The following TBC1D5 variants were observed in gnomAD, a reference collection of about 807,000 sequenced individuals.
TBC1D5 encodes the protein TBC1 domain family, member 5.
A neutral mutation model predicts 100.3 loss-of-function variants in TBC1D5; 75 were observed. The observed-to-expected ratio is 0.75, with a 90% CI of 0.62 to 0.91. The LOEUF (loss-of-function observed/expected upper bound fraction) is 0.91. Ranked by LOEUF, TBC1D5 falls within the 40% of genes least tolerant of loss-of-function variation. The probability of loss-of-function intolerance (pLI) is 0.00; values close to 1 mark genes in which losing one functional copy is unlikely to be tolerated. For missense variants in TBC1D5, 910 were observed against 942.4 expected (o/e 0.97, Z 0.45); for synonymous variants, 323 against 325.6 (o/e 0.99, Z 0.09).
intron 3 of TBC1D5, among the ~76,000 whole-genome samples, chr3:17,460,385 GC>G (rs1293856742): frequency 7.9e-5 from 12 of 152,202 alleles, no homozygotes; most frequent in African/African-American, 2.2e-4. Flanking sequence ...GAACGTTATG[GC>G]TTTCTAAAAC....
chr3:17,186,688 C>T (rs558692117), intron 18 of TBC1D5, among the ~76,000 whole-genome samples: 60 of 99,636 alleles, frequency 6.0e-4, no homozygotes, highest in African/African-American at 2.2e-3. Flanking sequence ...CCAGCCTGGG[C>T]GACAGAGCAA....
intron 2 of TBC1D5, among the ~76,000 whole-genome samples, chr3:17,509,702 A>C (rs1190692079): frequency 6.6e-6 from 1 of 151,874 alleles, no homozygotes; most frequent in Non-Finnish European, 1.5e-5. Context: ...ATTTTTCTCA[A>C]AGTGTATCTG....
Position 17,187,160 on chromosome 3 carries a change from T to C in TBC1D5, c.1753-1952A>G, listed in dbSNP as rs139670793. 7.2e-5 allele frequency among the ~76,000 whole-genome samples: 11 copies of C among 152,338 alleles called. No individual in the cohort carries two copies. In the East Asian group the frequency reaches 2.1e-3, roughly 29 times the overall value. ...AGTCTCCAAAGATGGCCACCATCAA[T>C]TTCTTCCCTCCCTGACTCTGCATGT... On this transcript the variant is annotated intron_variant, in intron 18 of 21. Coordinates refer to ENST00000253692, the Ensembl canonical transcript of TBC1D5.
chr3:17,678,666 T>TAAAA lies in TBC1D5; in HGVS notation c.-100-54757_-100-54754dup, dbSNP rs150614567. ...AAGAGAACTGAGGGAAAAAGAGGGA[T>TAAAA]AAAAAAAAAAAAAAAAAAAAACAGG... On this transcript the variant is annotated intron_variant, in intron 1 of 21. Transcript: ENST00000253692. Among the ~76,000 whole-genome samples the TAAAA allele has an allele frequency of 5.5e-3, 602 of 108,976 alleles. 8 individuals carry two copies. Among genetic ancestry groups the TAAAA allele is most frequent in the East Asian group, 0.024 (105 of 4,388 alleles). The allele number at this position is 108,976 out of a possible 152,430, so 71.5% of individuals were successfully genotyped here. A position where few individuals can be genotyped will look rare whatever the true frequency, so the allele number is the denominator to read the frequency against.
chr3:17,443,397 C>T (rs1194432115), intron 3 of TBC1D5, among the ~76,000 whole-genome samples: 1 of 152,166 alleles, frequency 6.6e-6, no homozygotes, highest in Non-Finnish European at 1.5e-5. Context: ...AACTCATACC[C>T]TATAGTTCAA....
At chr3:17,379,698 A>T (rs2092855062) in intron 9 of TBC1D5, among the ~76,000 whole-genome samples, 1 of 152,076 alleles carries the variant, frequency 6.6e-6, no homozygotes, top group African/African-American at 2.4e-5. Context: ...TAAAACTGTA[A>T]ATAGTACTGA....
At chr3:17,705,614 G>A (rs1262460951) in intron 1 of TBC1D5, among the ~76,000 whole-genome samples, 39 of 127,560 alleles carry the variant, frequency 3.1e-4, no homozygotes, top group Non-Finnish European at 4.7e-4. Flanking sequence ...CAGATGGGGC[G>A]GCGGGGCAGA....
intron 2 of TBC1D5, among the ~76,000 whole-genome samples, chr3:17,596,046 T>TA (rs1250727003): frequency 2.0e-5 from 3 of 152,190 alleles, no homozygotes; most frequent in African/African-American, 7.2e-5. Context: ...GGCTGACCTG[T>TA]AAGCTTTGAA....
intron 2 of TBC1D5, among the ~76,000 whole-genome samples, chr3:17,551,312 C>T (rs887864830): frequency 6.6e-6 from 1 of 152,048 alleles, no homozygotes; most frequent in Non-Finnish European, 1.5e-5. Flanking sequence ...AGGGCAGAGA[C>T]CACCTGAATA....
At chr3:17,614,736 A>G (rs920706986) in intron 2 of TBC1D5, among the ~76,000 whole-genome samples, 7 of 152,182 alleles carry the variant, frequency 4.6e-5, no homozygotes, top group African/African-American at 1.7e-4. Context: ...TTGATTTTGT[A>G]TCCTGAGACT....
intron 15 of TBC1D5, among the ~76,000 whole-genome samples, chr3:17,266,947 C>T (rs565677472): frequency 6.6e-6 from 1 of 151,996 alleles, no homozygotes; most frequent in Non-Finnish European, 1.5e-5. Flanking sequence ...AGCAAAAACA[C>T]CGTTAATTGG....
intron 19 of TBC1D5, among the ~76,000 whole-genome samples, chr3:17,173,733 T>C (rs1485764478): frequency 6.6e-6 from 1 of 152,214 alleles, no homozygotes; most frequent in Non-Finnish European, 1.5e-5. Flanking sequence ...GGAATTTAGA[T>C]ACCCTGATCT....
At chr3:17,408,862 A>G (rs2093846153) in intron 4 of TBC1D5, among the ~76,000 whole-genome samples, 1 of 152,030 alleles carries the variant, frequency 6.6e-6, no homozygotes, top group Non-Finnish European at 1.5e-5. Flanking sequence ...ATTCTTAGCC[A>G]CTCCAACATC....
chr3:17,522,981 G>A (rs2096079432), intron 2 of TBC1D5, among the ~76,000 whole-genome samples: 1 of 152,096 alleles, frequency 6.6e-6, no homozygotes, highest in Non-Finnish European at 1.5e-5. Flanking sequence ...TATATTTATT[G>A]AACAAATTAG....
chr3:17,401,257 CAT>C (rs1386494535), intron 8 of TBC1D5, among the ~76,000 whole-genome samples: 4 of 148,684 alleles, frequency 2.7e-5, no homozygotes, highest in Non-Finnish European at 4.5e-5. Flanking sequence ...GTATAATATA[CAT>C]ATATATGTAT....
intron 2 of TBC1D5, among the ~76,000 whole-genome samples, chr3:17,553,823 A>G (rs2096493578): frequency 6.6e-6 from 1 of 152,230 alleles, no homozygotes; most frequent in Middle Eastern, 3.2e-3. Context: ...GCGGGTTCAG[A>G]TAAGAGACTT....
chr3:17,600,936 T>C (rs1035786030), intron 2 of TBC1D5, among the ~76,000 whole-genome samples: 3 of 152,168 alleles, frequency 2.0e-5, no homozygotes, highest in Non-Finnish European at 2.9e-5. Context: ...AATAAGGAAG[T>C]GATAGTAAAT....
chr3:17,555,927 TCC>T (rs1283123878), intron 2 of TBC1D5, among the ~76,000 whole-genome samples: 1 of 152,218 alleles, frequency 6.6e-6, no homozygotes, highest in Non-Finnish European at 1.5e-5. Context: ...TTCTTTGGAA[TCC>T]CCTTGGACAA....
At chr3:17,245,824 AATT>A (rs1268049900) in intron 16 of TBC1D5, among the ~76,000 whole-genome samples, 2 of 152,204 alleles carry the variant, frequency 1.3e-5, no homozygotes, top group Admixed American at 6.5e-5. Context: ...GAACTATTTG[AATT>A]ATTATTTGAA....
Sources: allele counts gnomAD v4.1 joint callset (sites outside exome capture counted in the v4.1 genomes callset), GRCh38; gene constraint gnomAD v4.1.1; transcripts MANE v1.5; gene names NCBI Gene and HGNC (gene_info 2026-07-23, HGNC 2026-07-21).